The following LIPK variants were observed in gnomAD, a reference collection of about 807,000 sequenced individuals.
LIPK encodes the protein lipase member K.
A neutral mutation model predicts 48.6 loss-of-function variants in LIPK; 32 were observed. That is an observed-to-expected ratio of 0.66 (90% CI 0.50 to 0.88). The LOEUF (loss-of-function observed/expected upper bound fraction) is 0.88, where lower values mean the gene tolerates loss of function less well. Among genes scored for constraint, LIPK ranks in the 40% least tolerant of loss-of-function variants. The pLI, the probability that LIPK is intolerant of heterozygous loss-of-function variation, is 0.00. For synonymous variants in LIPK, 164 were observed against 157.4 expected (o/e 1.04, Z -0.32); for missense variants, 507 against 478.5 (o/e 1.06, Z -0.56).
intron 1 of LIPK, among the ~76,000 whole-genome samples, chr10:88,714,411 A>C (rs1842078845): frequency 6.6e-6 from 1 of 152,204 alleles, no homozygotes. Context: ...TAACAACTTC[A>C]GGGACACATG....
At chr10:88,752,149 G>T (rs999886053) in intron 9 of LIPK, among the ~76,000 whole-genome samples, 23 of 152,084 alleles carry the variant, frequency 1.5e-4, no homozygotes, top group African/African-American at 5.6e-4. Context: ...CCAGATTTGT[G>T]ACTAAGAGAA....
chr10:88,726,601 G>A (rs547100397), intron 2 of LIPK, among the ~76,000 whole-genome samples, 194 bp from the exon 3 acceptor site: 1 of 152,290 alleles, frequency 6.6e-6, no homozygotes, highest in Non-Finnish European at 1.5e-5. Context: ...GACTGAGGTG[G>A]GAGGATAGCT....
chr10:88,719,659 G>A (rs565643761), intron 1 of LIPK, among the ~76,000 whole-genome samples: 2 of 152,072 alleles, frequency 1.3e-5, no homozygotes, highest in South Asian at 4.1e-4. Context: ...TTTTCTGTGG[G>A]GTCTTTGTAC....
At position 88,706,304 on chromosome 10, in the gene LIPK, C is replaced by G. The variant is rs563295455; in HGVS notation, c.-28C>G. On this transcript the variant is annotated 5_prime_UTR_variant, in exon 1 of 10. Coordinates refer to ENST00000404190, the MANE Select transcript of LIPK (RefSeq NM_001080518.2). Reference sequence around the variant, plus strand: ...GCTCCCAGGACTTGAAGACAGACCTCCAAAGACTTGGATCAGGTAATGACT... The same window carrying G: ...GCTCCCAGGACTTGAAGACAGACCTGCAAAGACTTGGATCAGGTAATGACT... 6.6e-6 allele frequency among the ~76,000 whole-genome samples: 1 copy of G among 152,278 alleles called. No individual in the cohort carries two copies. The highest frequency in any genetic ancestry group is 2.4e-5 in the African/African-American group (1 of 41,562).
At chr10:88,713,458 A>T (rs1842060715) in intron 1 of LIPK, among the ~76,000 whole-genome samples, 1 of 142,416 alleles carries the variant, frequency 7.0e-6, no homozygotes, top group Admixed American at 7.3e-5. Context: ...TAAACTTTCA[A>T]AGCAAGAAAA....
intron 9 of LIPK, among the ~76,000 whole-genome samples, chr10:88,748,916 C>T (rs1369788639): frequency 7.0e-6 from 1 of 142,770 alleles, no homozygotes; most frequent in Non-Finnish European, 1.5e-5. Flanking sequence ...CTAAAGGCTC[C>T]TTACACTGAT....
intron 9 of LIPK, among the ~76,000 whole-genome samples, chr10:88,748,533 C>T (rs1295386243): frequency 6.6e-6 from 1 of 151,224 alleles, no homozygotes; most frequent in Non-Finnish European, 1.5e-5. Flanking sequence ...ACCAGAATAG[C>T]TTAAACCCAG....
intron 9 of LIPK, among the ~76,000 whole-genome samples, chr10:88,749,440 G>T (rs1842826249): frequency 6.6e-6 from 1 of 152,150 alleles, no homozygotes. Context: ...ATGGGTTAGA[G>T]AACCCAGAAA....
intron 8 of LIPK, among the ~76,000 whole-genome samples, chr10:88,741,228 G>T (rs551215455): frequency 4.2e-4 from 64 of 151,986 alleles, no homozygotes; most frequent in Admixed American, 1.4e-3. Context: ...TTAAGACAGG[G>T]TCTCAAAAAA....
chr10:88,707,565 T>C (rs1256531434), intron 1 of LIPK, among the ~76,000 whole-genome samples: 1 of 152,136 alleles, frequency 6.6e-6, no homozygotes, highest in Non-Finnish European at 1.5e-5. Flanking sequence ...TGCCTTGGCA[T>C]TTTATTTCCC....
chr10:88,747,958 G>A lies in LIPK; in HGVS notation c.961-4559G>A, dbSNP rs573028421. ...TTCTACTATAAAGATACATGCACAT[G>A]TATGTTTACTGCAGCACTGTTTACA... On this transcript the variant is annotated intron_variant, in intron 9 of 9. Coordinates refer to ENST00000404190, the MANE Select transcript of LIPK (RefSeq NM_001080518.2). Among the ~76,000 whole-genome samples the A allele has an allele frequency of 3.3e-5, 5 of 152,218 alleles. No homozygotes were observed. The East Asian group carries it at 7.7e-4, about 23-fold the overall frequency.
intron 6 of LIPK, among the ~76,000 whole-genome samples, chr10:88,734,219 G>C (rs1402131726): frequency 6.6e-6 from 1 of 152,162 alleles, no homozygotes; most frequent in African/African-American, 2.4e-5. Flanking sequence ...GAAAAATACT[G>C]CTAGCTGTTG....
intron 2 of LIPK, among the ~76,000 whole-genome samples, chr10:88,725,625 A>G (rs1232740423): frequency 6.6e-6 from 1 of 152,228 alleles, no homozygotes; most frequent in African/African-American, 2.4e-5. Flanking sequence ...TTCCTGGTAT[A>G]TAATCTTGGA....
chr10:88,752,762 C>G lies in LIPK; in HGVS notation c.*6C>G. On this transcript the variant is annotated 3_prime_UTR_variant, in exon 10 of 10. Coordinates refer to ENST00000404190, the MANE Select transcript of LIPK (RefSeq NM_001080518.2). ...AAGAATATTTACAAAATTAAATGCACTTTACTTTCTCTAAGCAAGTGGATT... is the reference window on the plus strand; with the variant it reads ...AAGAATATTTACAAAATTAAATGCAGTTTACTTTCTCTAAGCAAGTGGATT... 6.5e-7 allele frequency: 1 copy of G among 1,531,540 alleles called. No individual in the cohort carries two copies. Among genetic ancestry groups the G allele is most frequent in the Non-Finnish European group, 8.8e-7 (1 of 1,130,092 alleles). 94.9% of individuals were successfully genotyped at this position (1,531,540 alleles called of 1,614,324 possible). A position where few individuals can be genotyped will look rare whatever the true frequency, so the allele number is the denominator to read the frequency against.
chr10:88,734,037 T>C (rs1350173023), intron 6 of LIPK, among the ~76,000 whole-genome samples: 1 of 152,198 alleles, frequency 6.6e-6, no homozygotes, highest in East Asian at 1.9e-4. Flanking sequence ...AATAGAAAAG[T>C]GGCTTGATCA....
Position 88,752,617 on chromosome 10 carries a change from T to C in LIPK, c.1061T>C (p.Leu354Ser). ...IVADPKDVEN[L>S]LPQIANLIYY... ...GCTGATCCCAAGGATGTTGAAAATTTACTTCCTCAAATTGCTAACCTTATT... is the reference window on the plus strand; with the variant it reads ...GCTGATCCCAAGGATGTTGAAAATTCACTTCCTCAAATTGCTAACCTTATT... Residue 354 changes from leucine (L) to serine (S), a missense_variant, in exon 10 of 10, where the codon TTA becomes TCA. Physicochemically the swap from Leu to Ser is moderately radical, Grantham distance 145. Transcript: ENST00000404190. 1 of 1,572,556 alleles carries C rather than the reference T, an allele frequency of 6.4e-7. No individual in the cohort carries two copies.
chr10:88,709,160 A>T (rs976483324), intron 1 of LIPK, among the ~76,000 whole-genome samples: 5 of 152,194 alleles, frequency 3.3e-5, no homozygotes. Context: ...ATTCATCATC[A>T]ATTCTTTTTC....
intron 1 of LIPK, among the ~76,000 whole-genome samples, chr10:88,722,398 A>G (rs1312091111): frequency 1.3e-5 from 2 of 152,260 alleles, no homozygotes; most frequent in African/African-American, 2.4e-5. Flanking sequence ...AACAGAAACA[A>G]GAATGAAGTA....
At chr10:88,738,062 C>A (rs941115129) in intron 7 of LIPK, among the ~76,000 whole-genome samples, 1 of 152,184 alleles carries the variant, frequency 6.6e-6, no homozygotes. Context: ...GCTGTGCCTA[C>A]GCCTTATGTC....
Sources: gnomAD v4.1 joint callset for allele counts (sites outside exome capture counted in the v4.1 genomes callset) on GRCh38, gnomAD v4.1.1 for gene constraint, MANE v1.5 for transcripts, NCBI Gene and HGNC (gene_info 2026-07-23, HGNC 2026-07-21) for gene names.